The following FCSK variants were observed in gnomAD, a reference collection of about 807,000 sequenced individuals.
The protein encoded by FCSK is fucose kinase, also known as L-fucose kinase.
A neutral mutation model predicts 122.5 loss-of-function variants in FCSK; 123 were observed. The ratio of observed to expected loss-of-function variants is 1.00; its 90% CI spans 0.87 to 1.17. The LOEUF is 1.17. Among genes scored for constraint, FCSK ranks in the 50% most tolerant of loss-of-function variants. The pLI is 0.00. For synonymous variants in FCSK, 620 were observed against 625.5 expected, an observed-to-expected ratio of 0.99 and a Z score of 0.13; for missense variants, 1,366 against 1,450.4, an observed-to-expected ratio of 0.94 and a Z score of 0.95.
Position 70,474,918 on chromosome 16 carries a change from C to G in FCSK, c.2284C>G (p.Leu762Val). The G allele has an allele frequency of 6.2e-7, 1 of 1,611,278 alleles. No individual in the cohort carries two copies. Among genetic ancestry groups the G allele is most frequent in the Non-Finnish European group, 8.5e-7 (1 of 1,179,188 alleles). ...CCGCATCCCGGAGCCTGAGCTGTGG[C>G]TGGCGGTGGGGCCTCGGCAGGATGA... ...ARRIPEPELW[L>V]AVGPRQDEMT... Residue 762 changes from leucine (L) to valine (V), a missense_variant, in exon 18 of 24, where the codon CTG (leucine) becomes GTG (valine). By Grantham distance (32) the Leu-to-Val change is conservative. Transcript: ENST00000288078.
chr16:70,471,429 C>CT, intron 13 of FCSK, 77 bp downstream of exon 13: 1 of 1,416,244 alleles, frequency 7.1e-7, no homozygotes, highest in Non-Finnish European at 9.5e-7. Context: ...CCCCACCCCA[C>CT]TGCGGGGTTC....
rs768633106 is a variant in FCSK at position 70,478,591 on chromosome 16, T to C, written c.2870T>C (p.Val957Ala). Residue 957 changes from valine (V) to alanine (A), a missense_variant, in exon 22 of 24, where the codon GTG becomes GCG. Val to Ala is a moderately conservative substitution (Grantham distance 64). Coordinates refer to ENST00000288078, the MANE Select transcript of FCSK (RefSeq NM_145059.3). ...RSWYARLPAV[V>A]QNAHSLVRQT... is the part of the protein sequence containing the mutation. Reference sequence around the variant, plus strand: ...TGGTATGCCCGACTTCCTGCTGTGGTGCAGAATGCCCACAGCCTGGTACGG... The same window carrying C: ...TGGTATGCCCGACTTCCTGCTGTGGCGCAGAATGCCCACAGCCTGGTACGG... 1.9e-6 allele frequency: 3 copies of C among 1,613,618 alleles called. No homozygotes were observed. Among genetic ancestry groups the C allele is most frequent in the South Asian group, 1.1e-5 (1 of 91,080 alleles).
At position 70,455,909 on chromosome 16, in the gene FCSK, A is replaced by T. The variant is rs187507117; in HGVS notation, c.-23+1279A>T. Among the ~76,000 whole-genome samples, 907 of 151,500 alleles carry T rather than the reference A, an allele frequency of 6.0e-3. 11 individuals are homozygous for T. Among genetic ancestry groups the T allele is most frequent in the African/African-American group, 0.021 (846 of 41,252 alleles). ...GTCTCAAAAAAAAAAAAAGCCAGGC[A>T]TGGTGGCTTACACCTGTAATCCCAA... is the stretch of plus-strand genomic sequence containing the variant. On this transcript the variant is annotated intron_variant, in intron 1 of 23. Transcript: ENST00000288078.
At chr16:70,465,713 G>T (rs2048396622) in intron 4 of FCSK, among the ~76,000 whole-genome samples, 1 of 152,170 alleles carries the variant, frequency 6.6e-6, no homozygotes. Context: ...CAGCGCTTTG[G>T]GAGGTTGAGG....
Position 70,467,474 on chromosome 16 carries a change from A to G in FCSK, c.582+3A>G, listed in dbSNP as rs1390328022. The G allele has an allele frequency of 6.3e-7, 1 of 1,588,656 alleles. No individual in the cohort carries two copies. The highest frequency in any genetic ancestry group is 8.6e-7 in the Non-Finnish European group (1 of 1,168,054). On this transcript the variant is annotated splice_donor_region_variant and intron_variant, in intron 7 of 23. Transcript: ENST00000288078. ...GCGTCTACCTAACTGACCCCCAGGT[A>G]GTGCCCCTGGGGACAGTGGAGCCGG...
At chr16:70,457,135 CT>C (rs1452440052) in intron 1 of FCSK, among the ~76,000 whole-genome samples, 1 of 152,144 alleles carries the variant, frequency 6.6e-6, no homozygotes, top group Non-Finnish European at 1.5e-5. Context: ...TCCTCTGCCC[CT>C]GTCATTAGTA....
At chr16:70,471,150 C>A in intron 12 of FCSK, 32 bp from the exon 13 acceptor site, 1 of 1,593,950 alleles carries the variant, frequency 6.3e-7, no homozygotes, top group Admixed American at 1.7e-5. Flanking sequence ...GGGTGCCTGC[C>A]CACCCAGGAT....
Position 70,479,266 on chromosome 16 carries a change from C to G in FCSK, c.3016C>G (p.Arg1006Gly), listed in dbSNP as rs377157126. The G allele has an allele frequency of 5.6e-6, 9 of 1,613,916 alleles. No individual in the cohort carries two copies. In the South Asian group the frequency reaches 8.8e-5, roughly 16 times the overall value. The change falls in exon 23 of 24, where the codon CGG (arginine) becomes GGG (glycine). Residue 1006 changes from arginine (R) to glycine (G), a missense_variant. Physicochemically the swap from Arg to Gly is moderately radical, Grantham distance 125 (BLOSUM62 -2). Transcript: ENST00000288078. Reference protein sequence around the residue: ...MAPGCEPLTVRRMMDVLAPHV... With the variant: ...MAPGCEPLTVGRMMDVLAPHV... ...TCCAGGCTGTGAGCCCCTGACTGTGCGGCGTATGATGGATGTCCTGGCCCC... is the reference window on the plus strand; with the variant it reads ...TCCAGGCTGTGAGCCCCTGACTGTGGGGCGTATGATGGATGTCCTGGCCCC...
chr16:70,474,792 G>T lies in FCSK; in HGVS notation c.2158G>T (p.Gly720Cys). The T allele has an allele frequency of 6.4e-7, 1 of 1,571,454 alleles. No homozygotes were observed. ...TGAGTCTTGCCACACTGCCATAGGGGGCTGGAGTGACACGCCACCCCTTGC... is the reference window on the plus strand; with the variant it reads ...TGAGTCTTGCCACACTGCCATAGGGTGCTGGAGTGACACGCCACCCCTTGC... The part of the protein sequence containing the change: ...ECPARVDFSG[G>C]WSDTPPLAYE... Residue 720 changes from glycine (G) to cysteine (C), a missense_variant and splice_region_variant, in exon 18 of 24, where the codon GGC becomes TGC. By Grantham distance (159) the Gly-to-Cys change is radical. Coordinates refer to ENST00000288078, the MANE Select transcript of FCSK (RefSeq NM_145059.3).
At chr16:70,469,083 G>A (rs2048524678) in intron 9 of FCSK, 69 bp from the exon 10 acceptor site, 2 of 1,609,090 alleles carry the variant, frequency 1.2e-6, no homozygotes, top group Admixed American at 1.7e-5. Context: ...GACTGCCCTG[G>A]TTCAGCCTCA....
chr16:70,469,828 C>T (rs138827162), intron 10 of FCSK, among the ~76,000 whole-genome samples: 60 of 151,622 alleles, frequency 4.0e-4, no homozygotes, highest in Non-Finnish European at 7.4e-4. Flanking sequence ...CCACCATGCC[C>T]GGCCCTAACC....
chr16:70,474,019 A>G, intron 15 of FCSK, 110 bp from the exon 16 acceptor site: 1 of 973,846 alleles, frequency 1.0e-6, no homozygotes, highest in Non-Finnish European at 1.5e-6. Context: ...GGCAAAAGCC[A>G]GGAGGTGTGA....
At chr16:70,455,588 TATTA>T (rs1226920410) in intron 1 of FCSK, among the ~76,000 whole-genome samples, 1 of 145,690 alleles carries the variant, frequency 6.9e-6, no homozygotes, top group African/African-American at 2.6e-5. Context: ...TCCAGCAAAC[TATTA>T]ATTAAAAAAA....
rs201551562 is a variant in FCSK, at chr16:70,475,499, C to T, written c.2521+6C>T. 10 of 1,600,180 alleles carry T rather than the reference C, an allele frequency of 6.2e-6. No homozygotes were observed. Among genetic ancestry groups the T allele is most frequent in the African/African-American group, 1.3e-5 (1 of 74,778 alleles). On this transcript the variant is annotated splice_donor_region_variant and intron_variant, in intron 19 of 23. Transcript: ENST00000288078. ...GCCCCACGGCTCTGGCCTGGGTGAG[C>T]GGGCCCTGCCTCCTGCTACCCACCG...
Position 70,468,928 on chromosome 16 carries a change from G to A in FCSK, c.743G>A (p.Cys248Tyr), listed in dbSNP as rs1014314551. The A allele has an allele frequency of 3.1e-6, 5 of 1,613,892 alleles. No individual in the cohort carries two copies. The highest frequency in any genetic ancestry group is 3.4e-6 in the Non-Finnish European group (4 of 1,180,028). The change falls in exon 9 of 24, where the codon TGC (cysteine) becomes TAC (tyrosine). Residue 248 changes from cysteine (C) to tyrosine (Y), a missense_variant. Cys to Tyr is a radical substitution (Grantham distance 194). Transcript: ENST00000288078. ...ATHVSPPLDA[C>Y]TYLGLDSGAR... ...CACGTGAGCCCGCCCCTGGATGCCT[G>A]CACCTACCTAGGCTTGGACTCCGGA...
chr16:70,472,650 G>T, intron 14 of FCSK, 45 bp downstream of exon 14: 2 of 1,463,016 alleles, frequency 1.4e-6, no homozygotes, highest in Non-Finnish European at 1.9e-6. Flanking sequence ...GGGCAGCTGG[G>T]GTGGCTGCTG....
At position 70,471,344 on chromosome 16, in the gene FCSK, A is replaced by G. The variant is rs1337696598; in HGVS notation, c.1333A>G (p.Ser445Gly). ...CTTCACCCTCGTTGGCCGTCTGGACAGCTGGGAGGTAGGCAGTCACCCTGC... is the reference window on the plus strand; with the variant it reads ...CTTCACCCTCGTTGGCCGTCTGGACGGCTGGGAGGTAGGCAGTCACCCTGC... ...HAFTLVGRLD[S>G]WERQGAGTYL... is the part of the protein sequence containing the mutation. Residue 445 changes from serine (S) to glycine (G), a missense_variant, in exon 13 of 24, where the codon AGC (serine) becomes GGC (glycine). Physicochemically the swap from Ser to Gly is moderately conservative, Grantham distance 56 (BLOSUM62 0). Transcript: ENST00000288078. The G allele has an allele frequency of 1.9e-6, 3 of 1,581,396 alleles. No individual in the cohort carries two copies. The highest frequency in any genetic ancestry group is 1.8e-5 in the Admixed American group (1 of 56,736).
rs1242236468 is a variant in FCSK, at chr16:70,473,332, C to T, written c.1756C>T (p.Leu586=). The change falls in exon 15 of 24, where the codon CTG becomes TTG. Residue 586 remains leucine, a synonymous_variant. Transcript: ENST00000288078. This position sits in a 1 kb window ranked among gnomAD's most constrained non-coding sequence, Gnocchi z 4.9. ...TGTCCGCGAGGGCTGCCCCGGGCCC[C>T]TGCTGGCCACGCTGGACCAGGGTGA... ...AAVREGCPGP[L]LATLDQVAAG... is the part of the protein sequence containing the mutation. The T allele has an allele frequency of 2.1e-5, 32 of 1,509,094 alleles. No homozygotes were observed. In the Middle Eastern group the frequency reaches 7.1e-4, roughly 33 times the overall value. 93.5% of individuals were successfully genotyped at this position (1,509,094 alleles called of 1,614,324 possible).
Position 70,478,614 on chromosome 16 carries a change from C to T in FCSK, c.2893C>T (p.Arg965Trp), listed in dbSNP as rs528370718. 7.8e-5 allele frequency: 126 copies of T among 1,613,604 alleles called. No homozygotes were observed. The highest frequency in any genetic ancestry group is 3.3e-4 in the East Asian group (15 of 44,894). The change falls in exon 22 of 24, where the codon CGG becomes TGG. Residue 965 changes from arginine (R) to tryptophan (W), a missense_variant. By Grantham distance (101) the Arg-to-Trp change is moderately radical (BLOSUM62 -3). Coordinates refer to ENST00000288078, the MANE Select transcript of FCSK (RefSeq NM_145059.3). ...AVVQNAHSLVRQTEECAEGFR... is the reference protein window; with the variant it reads ...AVVQNAHSLVWQTEECAEGFR... ...GGTGCAGAATGCCCACAGCCTGGTA[C>T]GGCAAACTGAGGAGTGTGCTGAAGG... is the stretch of plus-strand genomic sequence containing the variant.
Sources: allele counts gnomAD v4.1 joint callset (sites outside exome capture counted in the v4.1 genomes callset), GRCh38; gene constraint gnomAD v4.1.1; non-coding constraint Gnocchi (gnomAD v3.1); transcripts MANE v1.5; gene names NCBI Gene and HGNC (gene_info 2026-07-23, HGNC 2026-07-21).